The following HELZ2 variants were observed in gnomAD, a reference collection of about 807,000 sequenced individuals.
The protein encoded by HELZ2 is helicase with zinc finger 2.
HELZ2 carries 143 observed loss-of-function variants against 208.8 expected under a neutral mutation model. That is an observed-to-expected ratio of 0.68 (90% CI 0.60 to 0.79). The LOEUF is 0.79. Among genes scored for constraint, HELZ2 ranks in the 30% least tolerant of loss-of-function variants. The pLI, the probability that HELZ2 is intolerant of heterozygous loss-of-function variation, is 0.00. For missense variants in HELZ2, 3,690 were observed against 3,794.5 expected, an observed-to-expected ratio of 0.97 and a Z score of 0.72; for synonymous variants, 1,705 against 1,693.7, an observed-to-expected ratio of 1.01 and a Z score of -0.16.
chr20:63,572,342 C>T (rs1487737535), exon 1 of HELZ2: 2 of 1,573,928 alleles, frequency 1.3e-6, no homozygotes, highest in Admixed American at 1.8e-5. Flanking sequence ...GAGCAGGTCC[C>T]CCCGCTGGAG....
At chr20:63,572,193 C>A in exon 1 of HELZ2, 2 of 1,608,090 alleles carry the variant, frequency 1.2e-6, no homozygotes, top group Non-Finnish European at 1.7e-6. Context: ...ACCATCTGTG[C>A]GTGCTCCGAG....
At chr20:63,567,114 G>T (rs1302753275) in exon 6 of HELZ2, 1 of 1,611,900 alleles carries the variant, frequency 6.2e-7, no homozygotes, top group Non-Finnish European at 8.5e-7. Context: ...AGCTGACAAT[G>T]GCGTCCGTGC....
At chr20:63,569,073 C>T in intron 4 of HELZ2, 74 bp from the exon 6 acceptor site, 1 of 1,587,304 alleles carries the variant, frequency 6.3e-7, no homozygotes, top group East Asian at 2.2e-5. Flanking sequence ...CCCCCATCCG[C>T]TCCCGTTGCC....
chr20:63,565,320 C>T (rs745706265), exon 8 of HELZ2: 23 of 1,606,256 alleles, frequency 1.4e-5, no homozygotes, highest in Middle Eastern at 1.6e-4. Context: ...TCATCCCCGG[C>T]GAAGGCCATC....
chr20:63,562,936 G>A (rs1165962106), exon 8 of HELZ2: 1 of 1,592,120 alleles, frequency 6.3e-7, no homozygotes, highest in Non-Finnish European at 8.5e-7. Flanking sequence ...GTGTGACGGA[G>A]TCATTCTCGG....
exon 6 of HELZ2, chr20:63,566,997 G>T: frequency 6.2e-7 from 1 of 1,610,760 alleles, no homozygotes. Flanking sequence ...GGTCTGGGCT[G>T]CCCGCCACGT....
chr20:63,561,361 C>T (rs1397940015), exon 13 of HELZ2: 2 of 1,613,040 alleles, frequency 1.2e-6, no homozygotes, highest in South Asian at 1.1e-5. Context: ...AGACCAGGTC[C>T]TCCCTGGAGA....
chr20:63,572,731 C>T (rs987599303), upstream of HELZ2: 5 of 289,734 alleles, frequency 1.7e-5, no homozygotes, highest in Non-Finnish European at 2.6e-5. Context: ...CCTCCGCCTT[C>T]AGCCATAGGC....
chr20:63,572,619 G>A (rs568324968), upstream of HELZ2: 327 of 518,250 alleles, frequency 6.3e-4, no homozygotes, highest in South Asian at 2.4e-3. Flanking sequence ...GGGGGACAGC[G>A]CCTGAAGCAG....
chr20:63,566,518 G>A (rs566811802), intron 6 of HELZ2, 65 bp from the exon 8 acceptor site: 26 of 1,268,696 alleles, frequency 2.0e-5, no homozygotes, highest in African/African-American at 3.1e-5. Context: ...CCCCCGACAA[G>A]GAGAGGGCAC....
In HELZ2 at chr20:63,572,102, C is replaced by T. The variant is rs1272534506; in HGVS notation, c.278+6G>A. 1 of 1,604,880 alleles carries T rather than the reference C, an allele frequency of 6.2e-7. No homozygotes were observed. The highest frequency in any genetic ancestry group is 1.7e-5 in the Admixed American group (1 of 59,246). ...TACTCCAAGCTCCTGCCTCGAGTATCCTTACTTTGGGCAGAGCTCGAACTT... is the reference window on the plus strand; with the variant it reads ...TACTCCAAGCTCCTGCCTCGAGTATTCTTACTTTGGGCAGAGCTCGAACTT... On this transcript the variant is annotated splice_donor_region_variant and intron_variant, in intron 1 of 18. Transcript: ENST00000467148.
exon 8 of HELZ2, chr20:63,563,435 C>A: frequency 6.5e-7 from 1 of 1,530,230 alleles, no homozygotes; most frequent in Non-Finnish European, 8.7e-7. Context: ...GACACGGCGC[C>A]GCCACAGGAG....
exon 4 of HELZ2, chr20:63,569,479 C>T (rs1271397427): frequency 6.2e-7 from 1 of 1,611,854 alleles, no homozygotes; most frequent in Middle Eastern, 1.7e-4. Flanking sequence ...TCGAAGACCA[C>T]CCATTGCTCA....
downstream of HELZ2, chr20:63,558,569 C>CG (rs1214063061): frequency 1.3e-5 from 2 of 152,166 alleles, no homozygotes; most frequent in Non-Finnish European, 2.9e-5. Context: ...GACAGGGTCT[C>CG]GCTCTGTCAC....
At chr20:63,561,051 C>A in intron 14 of HELZ2, 31 bp downstream of exon 15, 1 of 1,601,000 alleles carries the variant, frequency 6.2e-7, no homozygotes, top group Non-Finnish European at 8.5e-7. Flanking sequence ...GGGACGCCTG[C>A]TCATGCTGCC....
Position 63,568,734 on chromosome 20 carries a change from G to A in HELZ2, c.1354C>T (p.Arg452Cys), listed in dbSNP as rs201378792. 3.4e-4 allele frequency: 551 copies of A among 1,605,198 alleles called. 9 individuals are homozygous for A. The Admixed American group carries it at 8.6e-3, about 25-fold the overall frequency. ...TGCAGCCCCAGGGCCAAGCAGCAGCGGGCCGGAAGCAGCAGCCACAGCGCC... is the reference window on the plus strand; with the variant it reads ...TGCAGCCCCAGGGCCAAGCAGCAGCAGGCCGGAAGCAGCAGCCACAGCGCC... Residue 452 changes from arginine (R) to cysteine (C), a missense_variant, in exon 5 of 19, where the codon CGC becomes TGC. Transcript: ENST00000467148.
At chr20:63,561,528 G>A in intron 12 of HELZ2, 62 bp from the exon 14 acceptor site, 2 of 1,575,528 alleles carry the variant, frequency 1.3e-6, no homozygotes, top group Non-Finnish European at 1.7e-6. Context: ...AGAGCTCAGT[G>A]AGACCCACCT....
intron 1 of HELZ2, 152 bp from the exon 3 acceptor site, chr20:63,571,020 C>T: frequency 1.6e-6 from 1 of 619,322 alleles, no homozygotes; most frequent in Non-Finnish European, 2.8e-6. Flanking sequence ...CAAGGCCTGG[C>T]TCAAGCAGTT....
intron 3 of HELZ2, 150 bp from the exon 5 acceptor site, chr20:63,569,815 A>C: frequency 1.1e-6 from 1 of 927,096 alleles, no homozygotes; most frequent in Non-Finnish European, 1.6e-6. Context: ...GGCCTCTGCC[A>C]TCCTCAGTTT....
Sources: allele counts gnomAD v4.1 joint callset, GRCh38; gene constraint gnomAD v4.1.1; transcripts MANE v1.5; gene names NCBI Gene and HGNC (gene_info 2026-07-23, HGNC 2026-07-21).